SLC7A14: variants seen among roughly 807,000 people sequenced by gnomAD.
SLC7A14 encodes the protein gamma-aminobutyric acid transporter SLC7A14.
In SLC7A14, 37 loss-of-function variants were observed where a neutral mutation model predicts 60.2. That is an observed-to-expected ratio of 0.61 (90% CI 0.47 to 0.81). SLC7A14 has a LOEUF of 0.81. Ranked by LOEUF, SLC7A14 falls within the 30% of genes least tolerant of loss-of-function variation. SLC7A14 has a pLI of 0.00. For missense variants in SLC7A14, 886 were observed against 982.7 expected (o/e 0.90, Z 1.32); for synonymous variants, 399 against 395.8 (o/e 1.01, Z -0.10).
rs1711783649 is a variant in SLC7A14, at chr3:170,480,712, C to T, written c.1570G>A (p.Glu524Lys). 6.2e-7 allele frequency: 1 copy of T among 1,614,232 alleles called. No homozygotes were observed. The highest frequency in any genetic ancestry group is 8.5e-7 in the Non-Finnish European group (1 of 1,180,050). ...TTGATGAGATAAATATTTTCGGATT[C>T]ATCAGCTTCTATGCCTGTGGTCATG... ...VDMTTGIEAD[E>K]SENIYLIKLK... Residue 524 changes from glutamate (E) to lysine (K), a missense_variant, in exon 7 of 8, where the codon GAA becomes AAA. Transcript: ENST00000231706.
Position 170,467,202 on chromosome 3 carries a change from G to A in SLC7A14, c.2169C>T (p.Pro723=), listed in dbSNP as rs1376017310. Reference sequence around the variant, plus strand: ...GGTAATAGAAGCCTTTGTCTTCAGTGGGCCCGCCCCAGTCCTCCTGGCTCT... The same window carrying A: ...GGTAATAGAAGCCTTTGTCTTCAGTAGGCCCGCCCCAGTCCTCCTGGCTCT... The part of the protein sequence containing the change: ...EGESQEDWGG[P]TEDKGFYYQQ... Residue 723 remains proline, a synonymous_variant, in exon 8 of 8, where the codon CCC becomes CCT. Coordinates refer to ENST00000231706, the MANE Select transcript of SLC7A14 (RefSeq NM_020949.3). The A allele has an allele frequency of 8.1e-6, 13 of 1,614,144 alleles. No individual in the cohort carries two copies. Among genetic ancestry groups the A allele is most frequent in the African/African-American group, 4.0e-5 (3 of 74,954 alleles).
At position 170,486,262 on chromosome 3, in the gene SLC7A14, A is replaced by G. The variant is rs1712025521; in HGVS notation, c.866T>C (p.Ile289Thr). ...KNPNTSIPYA[I>T]TASLVICLTA... is the part of the protein sequence containing the mutation. ...CAGGCAGATGACCAGGGAGGCAGTGATAGCATAAGGGATGGACGTGTTGGG... is the reference window on the plus strand; with the variant it reads ...CAGGCAGATGACCAGGGAGGCAGTGGTAGCATAAGGGATGGACGTGTTGGG... The change falls in exon 5 of 8, where the codon ATC (isoleucine) becomes ACC (threonine). Residue 289 changes from isoleucine to threonine, a missense_variant. Physicochemically the swap from Ile to Thr is moderately conservative, Grantham distance 89. Coordinates refer to ENST00000231706, the MANE Select transcript of SLC7A14 (RefSeq NM_020949.3). 6.2e-7 allele frequency: 1 copy of G among 1,614,222 alleles called. No individual in the cohort carries two copies. The highest frequency in any genetic ancestry group is 8.5e-7 in the Non-Finnish European group (1 of 1,180,048).
rs1316751107 is a variant in SLC7A14, at chr3:170,544,410, C to T, written c.-152-17322G>A. Reference sequence around the variant, plus strand: ...GGCTAAAAACTGAGAGATTAAAAGGCTATATATCTGAGATCCAAATTATAG... The same window carrying T: ...GGCTAAAAACTGAGAGATTAAAAGGTTATATATCTGAGATCCAAATTATAG... On this transcript the variant is annotated intron_variant, in intron 1 of 7. Transcript: ENST00000231706. Among the ~76,000 whole-genome samples the T allele has an allele frequency of 2.0e-5, 3 of 152,072 alleles. No individual in the cohort carries two copies. In the East Asian group the frequency reaches 5.8e-4, roughly 29 times the overall value.
rs1739687243 is a variant in SLC7A14, at chr3:170,465,125, G to C, written c.*1930C>G. 6.6e-6 allele frequency: 1 copy of C among 152,122 alleles called. No homozygotes were observed. Among genetic ancestry groups the C allele is most frequent in the African/African-American group, 2.4e-5 (1 of 41,414 alleles). 9.4% of individuals were successfully genotyped at this position (152,122 alleles called of 1,614,324 possible). A position where few individuals can be genotyped will look rare whatever the true frequency, so the allele number is the denominator to read the frequency against. ...TATTAAAATGACAAAATGACCTCAGGAAACCAGAGTTCTAAACAATGACTA... is the reference window on the plus strand; with the variant it reads ...TATTAAAATGACAAAATGACCTCAGCAAACCAGAGTTCTAAACAATGACTA... On this transcript the variant is annotated 3_prime_UTR_variant, in exon 8 of 8. Transcript: ENST00000231706.
chr3:170,501,073 T>C (rs16855165), intron 3 of SLC7A14, 36 bp downstream of exon 3: 227,576 of 1,600,820 alleles, frequency 0.14, 17,495 homozygotes, highest in Admixed American at 0.23. Flanking sequence ...CTTGGTAAGT[T>C]TGCATGTTGA....
intron 1 of SLC7A14, among the ~76,000 whole-genome samples, chr3:170,569,145 G>A (rs1714874097): frequency 6.6e-6 from 1 of 152,130 alleles, no homozygotes; most frequent in African/African-American, 2.4e-5. Flanking sequence ...TTGGCTGTAG[G>A]TTTGTCATAG....
intron 2 of SLC7A14, among the ~76,000 whole-genome samples, chr3:170,507,940 G>A (rs1712834782): frequency 6.6e-6 from 1 of 152,192 alleles, no homozygotes; most frequent in South Asian, 2.1e-4. Context: ...AATGGGAAGA[G>A]GTGTCAGTTG....
At chr3:170,517,355 T>C (rs1713198175) in intron 2 of SLC7A14, among the ~76,000 whole-genome samples, 1 of 152,182 alleles carries the variant, frequency 6.6e-6, no homozygotes, top group Admixed American at 6.5e-5. Context: ...TTCCTTCCTG[T>C]CCTCACAATA....
Position 170,467,305 on chromosome 3 carries a change from T to C in SLC7A14, c.2066A>G (p.His689Arg), listed in dbSNP as rs771743448. 21 of 1,613,928 alleles carry C rather than the reference T, an allele frequency of 1.3e-5. No individual in the cohort carries two copies. The highest frequency in any genetic ancestry group is 1.7e-5 in the Non-Finnish European group (20 of 1,179,970). Reference protein sequence around the residue: ...LEISAREEALHQSTYQRYDVD... With the variant: ...LEISAREEALRQSTYQRYDVD... ...GTCGTAGCGTTGGTACGTGCTTTGG[T>C]GCAGGGCCTCTTCTCGAGCGCTGAT... is the stretch of plus-strand genomic sequence containing the variant. Residue 689 changes from histidine to arginine, a missense_variant, in exon 8 of 8, where the codon CAC (histidine) becomes CGC (arginine). Transcript: ENST00000231706.
chr3:170,501,362 T>C lies in SLC7A14; in HGVS notation c.305-17A>G, dbSNP rs886752235. 30 of 1,606,570 alleles carry C rather than the reference T, an allele frequency of 1.9e-5. No homozygotes were observed. The African/African-American group carries it at 3.3e-4, about 18-fold the overall frequency. On this transcript the variant is annotated splice_polypyrimidine_tract_variant and intron_variant, in intron 2 of 7. Transcript: ENST00000231706. ...AGCAGACGCCTGCAAGGGACAGACA[T>C]ACACAGATGGTGGACTTCAGGAGAT...
In SLC7A14 at chr3:170,512,327, G is replaced by T. The variant is rs1424413401; in HGVS notation, c.305-10982C>A. Among the ~76,000 whole-genome samples, 14 of 152,194 alleles carry T rather than the reference G, an allele frequency of 9.2e-5. 1 individual carries two copies. Among genetic ancestry groups the T allele is most frequent in the Non-Finnish European group, 4.4e-5 (3 of 68,040 alleles). On this transcript the variant is annotated intron_variant, in intron 2 of 7. Transcript: ENST00000231706. Reference sequence around the variant, plus strand: ...CATTCTCAGAAGATGACTAGGGAGGGGGAGCCACAGCAAATCTTTCATGGG... The same window carrying T: ...CATTCTCAGAAGATGACTAGGGAGGTGGAGCCACAGCAAATCTTTCATGGG...
chr3:170,520,521 A>G (rs887330725), intron 2 of SLC7A14, among the ~76,000 whole-genome samples: 6 of 152,240 alleles, frequency 3.9e-5, no homozygotes, highest in African/African-American at 1.4e-4. Flanking sequence ...GGACTGATAC[A>G]TGGTAGGAGC....
chr3:170,557,292 T>C (rs1181651710), intron 1 of SLC7A14, among the ~76,000 whole-genome samples: 2 of 152,196 alleles, frequency 1.3e-5, no homozygotes, highest in African/African-American at 4.8e-5. Flanking sequence ...ATTTTTTTTT[T>C]TCAGAAACCT....
At chr3:170,544,656 G>A (rs975470890) in intron 1 of SLC7A14, among the ~76,000 whole-genome samples, 2 of 152,196 alleles carry the variant, frequency 1.3e-5, no homozygotes, top group African/African-American at 2.4e-5. Context: ...GGAGAAGTAT[G>A]GTTTCTACTG....
chr3:170,567,987 T>G (rs1714841758), intron 1 of SLC7A14, among the ~76,000 whole-genome samples: 1 of 152,280 alleles, frequency 6.6e-6, no homozygotes, highest in Admixed American at 6.5e-5. Context: ...TAGTTTCTTT[T>G]GCTGTGCAGA....
chr3:170,544,747 A>G (rs1346505527), intron 1 of SLC7A14, among the ~76,000 whole-genome samples: 1 of 152,222 alleles, frequency 6.6e-6, no homozygotes, highest in Non-Finnish European at 1.5e-5. Context: ...TGTATATTCT[A>G]ACAACAACCC....
At chr3:170,521,836 G>A (rs186820722) in intron 2 of SLC7A14, among the ~76,000 whole-genome samples, 79 of 152,162 alleles carry the variant, frequency 5.2e-4, no homozygotes, top group African/African-American at 1.8e-3. Flanking sequence ...CAGAAGAGTC[G>A]CTTGAACCTG....
chr3:170,512,192 C>T (rs936851422), intron 2 of SLC7A14, among the ~76,000 whole-genome samples: 1 of 152,170 alleles, frequency 6.6e-6, no homozygotes, highest in Non-Finnish European at 1.5e-5. Flanking sequence ...CCTGAGATTA[C>T]AATGGGCTGG....
At chr3:170,468,517 A>C (rs1739790163) in intron 7 of SLC7A14, among the ~76,000 whole-genome samples, 1 of 152,124 alleles carries the variant, frequency 6.6e-6, no homozygotes, top group African/African-American at 2.4e-5. Context: ...GCTGGTCTCA[A>C]ATTCTTGGAC....
Sources: allele counts gnomAD v4.1 joint callset (sites outside exome capture counted in the v4.1 genomes callset), GRCh38; gene constraint gnomAD v4.1.1; transcripts MANE v1.5; gene names NCBI Gene and HGNC (gene_info 2026-07-23, HGNC 2026-07-21).